ADAMTS17: variants seen among roughly 807,000 people sequenced by gnomAD.
The protein encoded by ADAMTS17 is ADAM metallopeptidase with thrombospondin type 1 motif 17, also known as A disintegrin and metalloproteinase with thrombospondin motifs 17.
Under a neutral mutation model 141.5 loss-of-function variants are expected in ADAMTS17, and 113 were observed. The ratio of observed to expected loss-of-function variants is 0.80; its 90% CI spans 0.69 to 0.93. The LOEUF (loss-of-function observed/expected upper bound fraction) is 0.93, where lower values mean the gene tolerates loss of function less well. ADAMTS17 is among the 40% of genes least tolerant of loss of function. The probability of loss-of-function intolerance (pLI) is 0.00; values close to 1 mark genes in which losing one functional copy is unlikely to be tolerated. For synonymous variants in ADAMTS17, 768 were observed against 630.6 expected (o/e 1.22, Z -3.27); for missense variants, 1,659 against 1,517.9 (o/e 1.09, Z -1.54).
intron 20 of ADAMTS17, among the ~76,000 whole-genome samples, chr15:99,992,344 C>T (rs984586627): frequency 3.9e-5 from 6 of 152,112 alleles, no homozygotes; most frequent in African/African-American, 9.7e-5. Flanking sequence ...AGGACAAACA[C>T]GGTCTATGCT....
chr15:100,229,062 G>A (rs1224257549), intron 7 of ADAMTS17, among the ~76,000 whole-genome samples: 1 of 152,182 alleles, frequency 6.6e-6, no homozygotes, highest in Admixed American at 6.5e-5. Flanking sequence ...TGGTAGTAAT[G>A]CTCACAGACA....
At chr15:100,297,984 C>A (rs1567505677) in intron 3 of ADAMTS17, among the ~76,000 whole-genome samples, 1 of 151,890 alleles carries the variant, frequency 6.6e-6, no homozygotes, top group African/African-American at 2.4e-5. Flanking sequence ...CAGCAGAGTG[C>A]CCAGGAAGGA....
rs1360260149 is a variant in ADAMTS17, at chr15:100,341,245, G to T, written c.244C>A (p.Leu82Met). ...CGCCCGAAGGCCGGCAGGTGCAGCA[G>T]CAGGGCGCGCTCTCCGGGCCGGGCG... Reference protein sequence around the residue: ...PRARPGERALLLHLPAFGRDL... With the variant: ...PRARPGERALMLHLPAFGRDL... Residue 82 changes from leucine to methionine, a missense_variant, in exon 2 of 22, where the codon CTG becomes ATG. Physicochemically the swap from Leu to Met is conservative, Grantham distance 15. Coordinates refer to ENST00000268070, the MANE Select transcript of ADAMTS17 (RefSeq NM_139057.4). 1.7e-5 allele frequency: 24 copies of T among 1,377,792 alleles called. No homozygotes were observed. The highest frequency in any genetic ancestry group is 2.3e-5 in the Non-Finnish European group (24 of 1,063,116). The allele number at this position is 1,377,792 out of a possible 1,614,324, so 85.3% of individuals were successfully genotyped here.
chr15:100,118,435 TAG>T (rs1013937156), intron 12 of ADAMTS17, among the ~76,000 whole-genome samples: 1 of 152,200 alleles, frequency 6.6e-6, no homozygotes, highest in African/African-American at 2.4e-5. Context: ...AGAAGAGATC[TAG>T]AGAGATTAAA....
chr15:100,297,351 T>C (rs905096844), intron 3 of ADAMTS17, among the ~76,000 whole-genome samples: 3 of 152,142 alleles, frequency 2.0e-5, no homozygotes, highest in East Asian at 1.9e-4. Flanking sequence ...CACCTAGGGC[T>C]TGTGTTCTGA....
At chr15:100,295,145 A>G (rs543736587) in intron 3 of ADAMTS17, among the ~76,000 whole-genome samples, 23 of 152,298 alleles carry the variant, frequency 1.5e-4, no homozygotes, top group African/African-American at 5.3e-4. Flanking sequence ...TATAATCAAA[A>G]TATCTTCAGA....
chr15:100,144,088 A>G (rs539978297), intron 10 of ADAMTS17, among the ~76,000 whole-genome samples: 1 of 152,360 alleles, frequency 6.6e-6, no homozygotes, highest in Admixed American at 6.5e-5. Context: ...TTAAACTGGA[A>G]GTGTTTTCAA....
intron 18 of ADAMTS17, among the ~76,000 whole-genome samples, chr15:100,015,144 G>C (rs2061262415): frequency 6.6e-6 from 1 of 152,208 alleles, no homozygotes; most frequent in Non-Finnish European, 1.5e-5. Context: ...AACTGCGGCT[G>C]CTTTAAAGTT....
intron 12 of ADAMTS17, chr15:100,126,352 A>C (rs940274031): frequency 3.9e-5 from 6 of 152,264 alleles, no homozygotes; most frequent in South Asian, 2.1e-4. Flanking sequence ...AAACAGAGCT[A>C]CGGTGCCACT....
intron 7 of ADAMTS17, among the ~76,000 whole-genome samples, chr15:100,217,884 T>A (rs1478159766): frequency 6.6e-6 from 1 of 152,170 alleles, no homozygotes; most frequent in Non-Finnish European, 1.5e-5. Context: ...AAAAAAGGAA[T>A]GACTGAATGA....
intron 4 of ADAMTS17, among the ~76,000 whole-genome samples, chr15:100,268,676 A>C (rs1325765168): frequency 1.3e-5 from 2 of 152,150 alleles, no homozygotes; most frequent in Non-Finnish European, 2.9e-5. Flanking sequence ...TAGATTCTGG[A>C]TGTTAGACCT....
intron 8 of ADAMTS17, among the ~76,000 whole-genome samples, chr15:100,156,860 C>A (rs191310162): frequency 2.5e-4 from 38 of 152,316 alleles, no homozygotes; most frequent in African/African-American, 9.1e-4. Context: ...AAACTAGATT[C>A]AAACTCTTAT....
chr15:100,152,030 G>A (rs1430190232), intron 10 of ADAMTS17, among the ~76,000 whole-genome samples: 4 of 152,218 alleles, frequency 2.6e-5, no homozygotes, highest in African/African-American at 9.7e-5. Flanking sequence ...GATCTCGGGA[G>A]CCATGGTGAA....
At position 100,051,299 on chromosome 15, in the gene ADAMTS17, A is replaced by G. The variant is rs542106114; in HGVS notation, c.2455+273T>C. 4.6e-5 allele frequency among the ~76,000 whole-genome samples: 7 copies of G among 152,326 alleles called. No individual in the cohort carries two copies. In the South Asian group the frequency reaches 1.2e-3, roughly 27 times the overall value. On this transcript the variant is annotated intron_variant, in intron 17 of 21. Coordinates refer to ENST00000268070, the MANE Select transcript of ADAMTS17 (RefSeq NM_139057.4). ...GGTCCACCTGTCACACCCGAGATGT[A>G]ATCATACATCAGCCAAACCCCGCTT...
chr15:100,292,206 C>CACGCTCACCCCGTGGGGAATCACGAGAG (rs1340755762), intron 3 of ADAMTS17, among the ~76,000 whole-genome samples: 1 of 101,766 alleles, frequency 9.8e-6, no homozygotes, highest in African/African-American at 3.9e-5. Context: ...AATCACGAGA[C>CACGCTCACCCCGTGGGGAATCACGAGAG]ACGCTCACCC....
chr15:100,184,195 C>G (rs892198575), intron 8 of ADAMTS17, among the ~76,000 whole-genome samples: 1 of 152,142 alleles, frequency 6.6e-6, no homozygotes, highest in African/African-American at 2.4e-5. Flanking sequence ...CCCATGTGGT[C>G]TCTGTTGGGC....
chr15:100,089,621 G>A (rs1401204355), intron 15 of ADAMTS17, among the ~76,000 whole-genome samples: 1 of 151,814 alleles, frequency 6.6e-6, no homozygotes, highest in African/African-American at 2.4e-5. Context: ...AGAAAATGTG[G>A]CACATATACA....
intron 7 of ADAMTS17, among the ~76,000 whole-genome samples, chr15:100,203,404 C>G (rs1445591927): frequency 6.6e-6 from 1 of 152,160 alleles, no homozygotes. Context: ...GAAACCCTGT[C>G]TCTACTAAAA....
chr15:100,123,904 G>A (rs972122897), intron 12 of ADAMTS17, among the ~76,000 whole-genome samples: 5 of 152,192 alleles, frequency 3.3e-5, no homozygotes, highest in Admixed American at 6.5e-5. Flanking sequence ...ACCAGTCATC[G>A]GGGTGTGATG....
Sources: allele counts gnomAD v4.1 joint callset (sites outside exome capture counted in the v4.1 genomes callset), GRCh38; gene constraint gnomAD v4.1.1; transcripts MANE v1.5; gene names NCBI Gene and HGNC (gene_info 2026-07-23, HGNC 2026-07-21).